The following GALNTL6 variants were observed in gnomAD, a reference collection of about 807,000 sequenced individuals.
The protein encoded by GALNTL6 is polypeptide N-acetylgalactosaminyltransferase like 6.
A neutral mutation model predicts 73.7 loss-of-function variants in GALNTL6; 46 were observed. The ratio of observed to expected loss-of-function variants is 0.62; its 90% confidence interval spans 0.49 to 0.80. The LOEUF is 0.80. GALNTL6 is among the 30% of genes least tolerant of loss of function. GALNTL6 has a pLI of 0.00. For synonymous variants in GALNTL6, 259 were observed against 263.7 expected (o/e 0.98, Z 0.17); for missense variants, 604 against 755.0 (o/e 0.80, Z 2.34).
At chr4:172,173,353 G>A (rs1026367815) in intron 2 of GALNTL6, among the ~76,000 whole-genome samples, 1 of 152,196 alleles carries the variant, frequency 6.6e-6, no homozygotes, top group Non-Finnish European at 1.5e-5. Context: ...GGAGGGCTCT[G>A]CTATTGGTCC....
At chr4:172,447,654 C>G (rs199996546) in intron 5 of GALNTL6, among the ~76,000 whole-genome samples, 2 of 152,086 alleles carry the variant, frequency 1.3e-5, no homozygotes, top group East Asian at 3.8e-4. Context: ...GTCAAGAGTT[C>G]AGTGAAAATG....
chr4:172,715,349 G>C (rs1207723256), intron 5 of GALNTL6, among the ~76,000 whole-genome samples: 1 of 152,182 alleles, frequency 6.6e-6, no homozygotes, highest in Admixed American at 6.5e-5. Context: ...AACCAATGTT[G>C]TTATGGTTCT....
At chr4:171,906,372 G>A (rs1369011754) in intron 2 of GALNTL6, among the ~76,000 whole-genome samples, 10 of 151,576 alleles carry the variant, frequency 6.6e-5, no homozygotes, top group African/African-American at 1.2e-4. Flanking sequence ...ACACCTCTAC[G>A]CAAATAAACT....
intron 2 of GALNTL6, among the ~76,000 whole-genome samples, chr4:171,967,061 T>A (rs1739406652): frequency 6.6e-6 from 1 of 152,152 alleles, no homozygotes; most frequent in Non-Finnish European, 1.5e-5. Context: ...TGAGAAACAA[T>A]CCCATTATCA....
chr4:172,944,133 T>C (rs1749044032), intron 9 of GALNTL6, among the ~76,000 whole-genome samples: 1 of 152,168 alleles, frequency 6.6e-6, no homozygotes, highest in Non-Finnish European at 1.5e-5. Flanking sequence ...AAATTGAACT[T>C]CATTGAAATT....
chr4:172,292,854 A>G (rs1257360244), intron 3 of GALNTL6, among the ~76,000 whole-genome samples: 1 of 152,172 alleles, frequency 6.6e-6, no homozygotes, highest in East Asian at 1.9e-4. Context: ...TTACCAGAAT[A>G]ATAGTTTGCA....
chr4:172,723,482 A>G (rs1735608593), intron 5 of GALNTL6, among the ~76,000 whole-genome samples: 1 of 152,190 alleles, frequency 6.6e-6, no homozygotes. Context: ...GGATATGTCA[A>G]GTACTTAGCA....
intron 5 of GALNTL6, among the ~76,000 whole-genome samples, chr4:172,362,182 G>A (rs1742392997): frequency 6.6e-6 from 1 of 152,112 alleles, no homozygotes; most frequent in African/African-American, 2.4e-5. Context: ...TTTACAAAGA[G>A]CAGAGGCACT....
intron 5 of GALNTL6, among the ~76,000 whole-genome samples, chr4:172,687,437 G>C (rs1732986006): frequency 6.6e-6 from 1 of 151,914 alleles, no homozygotes; most frequent in African/African-American, 2.4e-5. Context: ...AGACCAGCCT[G>C]ACCAACACAG....
At position 172,326,215 on chromosome 4, in the gene GALNTL6, A is replaced by C. The variant is rs529544844; in HGVS notation, c.386+14463A>C. Among the ~76,000 whole-genome samples the C allele has an allele frequency of 8.1e-4, 123 of 152,160 alleles. 2 individuals are homozygous for C. The South Asian group carries it at 0.016, about 19-fold the overall frequency. On this transcript the variant is annotated intron_variant, in intron 4 of 12. Coordinates refer to ENST00000506823, the MANE Select transcript of GALNTL6 (RefSeq NM_001034845.3). ...TAGCAATTTTAAGTTTTATAATTCT[A>C]TGTTTATAAAAAGAGAAAAAACCCT...
Position 172,647,296 on chromosome 4 carries a change from C to T in GALNTL6, c.554-162065C>T, listed in dbSNP as rs79044085. 9.0e-3 allele frequency among the ~76,000 whole-genome samples: 1,370 copies of T among 152,120 alleles called. 23 individuals carry two copies. Among genetic ancestry groups the T allele is most frequent in the African/African-American group, 0.031 (1,271 of 41,528 alleles). ...ATTATATCTGGCTTTTCAATATGTT[C>T]CCCAAAAGGTAATATGGAGGACACA... is the stretch of plus-strand genomic sequence containing the variant. On this transcript the variant is annotated intron_variant, in intron 5 of 12. Transcript: ENST00000506823.
chr4:172,123,622 C>A (rs1474328545), intron 2 of GALNTL6, among the ~76,000 whole-genome samples: 1 of 151,432 alleles, frequency 6.6e-6, no homozygotes, highest in African/African-American at 2.4e-5. Context: ...CTGCCTCAGC[C>A]TCCCAAGTAG....
chr4:172,257,874 C>A (rs762099981), intron 3 of GALNTL6, among the ~76,000 whole-genome samples: 10 of 151,102 alleles, frequency 6.6e-5, no homozygotes, highest in Non-Finnish European at 1.0e-4. Context: ...CTGTTGATTT[C>A]CTAATAAGAT....
At chr4:172,011,906 G>T (rs1363164198) in intron 2 of GALNTL6, among the ~76,000 whole-genome samples, 2 of 152,034 alleles carry the variant, frequency 1.3e-5, no homozygotes, top group East Asian at 1.9e-4. Context: ...TTTTCATAGT[G>T]CAATAGGGTG....
intron 2 of GALNTL6, among the ~76,000 whole-genome samples, chr4:171,903,592 T>C (rs1198112593): frequency 1.5e-5 from 2 of 134,106 alleles, no homozygotes; most frequent in Non-Finnish European, 3.1e-5. Flanking sequence ...TGTCCAGGCT[T>C]GATTAGGTAA....
intron 2 of GALNTL6, chr4:171,816,360 AG>A: frequency 6.6e-6 from 1 of 151,326 alleles, no homozygotes; most frequent in Non-Finnish European, 1.5e-5. Flanking sequence ...GTCTAATAGC[AG>A]AAAAAAAAAA....
intron 2 of GALNTL6, among the ~76,000 whole-genome samples, chr4:171,861,406 A>T (rs1578919134): frequency 6.6e-6 from 1 of 152,230 alleles, no homozygotes; most frequent in Admixed American, 6.5e-5. Context: ...TTTAATTGAC[A>T]TTTGTAACCC....
intron 5 of GALNTL6, among the ~76,000 whole-genome samples, chr4:172,678,942 C>G (rs1478698198): frequency 2.0e-5 from 3 of 152,248 alleles, no homozygotes; most frequent in East Asian, 1.9e-4. Context: ...AGAAAACATA[C>G]TCTGGTACAA....
chr4:172,558,917 C>G (rs897727509), intron 5 of GALNTL6, among the ~76,000 whole-genome samples: 1 of 152,034 alleles, frequency 6.6e-6, no homozygotes, highest in African/African-American at 2.4e-5. Context: ...GCTTCCAAAT[C>G]CCACCCTCTG....
Sources: gnomAD v4.1 joint callset for allele counts (sites outside exome capture counted in the v4.1 genomes callset) on GRCh38, gnomAD v4.1.1 for gene constraint, MANE v1.5 for transcripts, NCBI Gene and HGNC (gene_info 2026-07-23, HGNC 2026-07-21) for gene names.